IGSF11: variants seen among roughly 807,000 people sequenced by gnomAD.
IGSF11 encodes CXADR like 1.
A neutral mutation model predicts 41.0 loss-of-function variants in IGSF11; 22 were observed. That is an observed-to-expected ratio of 0.54 (90% CI 0.38 to 0.77). The LOEUF is 0.77. IGSF11 is among the 30% of genes least tolerant of loss of function. IGSF11 has a pLI of 0.00. For missense variants in IGSF11, 444 were observed against 530.8 expected (o/e 0.84, Z 1.61); for synonymous variants, 219 against 201.3 (o/e 1.09, Z -0.74).
At chr3:119,143,863 G>A (rs1375135143) in intron 1 of IGSF11, among the ~76,000 whole-genome samples, 4 of 152,038 alleles carry the variant, frequency 2.6e-5, no homozygotes, top group Admixed American at 2.6e-4. Context: ...TATGAGGGAC[G>A]AAGAAGTGCA....
At chr3:118,982,968 C>T (rs946360983) in intron 1 of IGSF11, among the ~76,000 whole-genome samples, 3 of 152,162 alleles carry the variant, frequency 2.0e-5, no homozygotes, top group Admixed American at 2.0e-4. Flanking sequence ...AACATGCAGC[C>T]TCCACAATCC....
intron 1 of IGSF11, among the ~76,000 whole-genome samples, chr3:118,937,448 T>G (rs1039432406): frequency 6.6e-6 from 1 of 152,214 alleles, no homozygotes; most frequent in Non-Finnish European, 1.5e-5. Context: ...AAATTTTAAT[T>G]AGATGAAATA....
At position 118,948,259 on chromosome 3, in the gene IGSF11, G is replaced by C. The variant is rs958473982; in HGVS notation, c.53-17984C>G. On this transcript the variant is annotated intron_variant, in intron 1 of 6. Transcript: ENST00000393775. ...GAAAATAAGATATTGCCACTGTTGC[G>C]CTCAGAAATTACTATAAGAATTCAA... The C allele has an allele frequency of 3.3e-5, 5 of 152,206 alleles. 1 individual carries two copies. The highest frequency in any genetic ancestry group is 1.9e-4 in the East Asian group (1 of 5,188). 9.4% of individuals were successfully genotyped at this position (152,206 alleles called of 1,614,324 possible). A position where few individuals can be genotyped will look rare whatever the true frequency, so the allele number is the denominator to read the frequency against.
intron 1 of IGSF11, among the ~76,000 whole-genome samples, chr3:119,074,528 G>A (rs1001274180): frequency 1.2e-4 from 18 of 151,458 alleles, no homozygotes; most frequent in African/African-American, 3.4e-4. Context: ...TAAGAGGAAC[G>A]TTTATAGTGT....
At chr3:118,973,770 T>G (rs1212705924) in intron 1 of IGSF11, among the ~76,000 whole-genome samples, 1 of 152,302 alleles carries the variant, frequency 6.6e-6, no homozygotes, top group South Asian at 2.1e-4. Flanking sequence ...AGCAATCATA[T>G]GTGCAAAGAA....
At chr3:119,109,317 G>A (rs1201723406), upstream of IGSF11, among the ~76,000 whole-genome samples, 7 of 151,440 alleles carry the variant, frequency 4.6e-5, no homozygotes, top group African/African-American at 1.2e-4. Flanking sequence ...TTTAGTCTTC[G>A]GAGAGTGTAT....
At chr3:119,085,710 C>G (rs781618467) in intron 1 of IGSF11, among the ~76,000 whole-genome samples, 79 of 152,160 alleles carry the variant, frequency 5.2e-4, no homozygotes, top group Non-Finnish European at 1.9e-4. Context: ...AACTGAACTT[C>G]TTGAGCTGAA....
intron 1 of IGSF11, among the ~76,000 whole-genome samples, chr3:119,033,894 G>A (rs1940654314): frequency 6.6e-6 from 1 of 152,152 alleles, no homozygotes. Flanking sequence ...TTTAAAAACC[G>A]TTAACAAGAA....
chr3:118,973,845 G>C (rs1431119951), intron 1 of IGSF11, among the ~76,000 whole-genome samples: 2 of 152,054 alleles, frequency 1.3e-5, no homozygotes, highest in Non-Finnish European at 2.9e-5. Context: ...TTGAAAATAG[G>C]GCTCATCAGA....
intron 1 of IGSF11, among the ~76,000 whole-genome samples, chr3:119,000,062 T>C (rs1216396019): frequency 1.4e-5 from 2 of 146,996 alleles, no homozygotes; most frequent in Non-Finnish European, 3.0e-5. Flanking sequence ...GATTCATTAT[T>C]CTTTTTTTTT....
At position 118,902,790 on chromosome 3, in the gene IGSF11, G is replaced by A. The variant is rs1271704585; in HGVS notation, c.1026C>T (p.Gly342=). The A allele has an allele frequency of 4.3e-6, 7 of 1,614,034 alleles. No individual in the cohort carries two copies. Among genetic ancestry groups the A allele is most frequent in the East Asian group, 2.2e-5 (1 of 44,900 alleles). The change falls in exon 7 of 7, where the codon GGC becomes GGT. Residue 342 remains glycine (G), a synonymous_variant. Transcript: ENST00000393775. ...TGCCTGAGTGGAAAGAGAAAGATTG[G>A]CCCAAGTCACTGAAGTGGCTGACTG... is the stretch of plus-strand genomic sequence containing the variant. ...TESVSHFSDL[G]QSFSFHSGNA... is the part of the protein sequence containing the mutation.
chr3:118,959,771 G>A (rs565471281), intron 1 of IGSF11, among the ~76,000 whole-genome samples: 15 of 152,252 alleles, frequency 9.9e-5, no homozygotes, highest in South Asian at 2.1e-4. Flanking sequence ...AATGTGGGCC[G>A]GGCGCAGTAG....
chr3:118,960,170 C>A (rs574295374), intron 1 of IGSF11, among the ~76,000 whole-genome samples: 5 of 152,006 alleles, frequency 3.3e-5, no homozygotes, highest in East Asian at 1.9e-4. Context: ...TGTTTAATAT[C>A]TAGAACTTTG....
chr3:118,902,562 A>G lies in IGSF11; in HGVS notation c.1254T>C (p.Pro418=). 6.2e-7 allele frequency: 1 copy of G among 1,613,370 alleles called. No homozygotes were observed. The highest frequency in any genetic ancestry group is 8.5e-7 in the Non-Finnish European group (1 of 1,179,856). ...HATLERIGAV[P]VMVPAQSRAG... ...CCCGACTCTGGGCTGGTACCATGAC[A>G]GGTACTGCACCAATTCGTTCCAGTG... is the stretch of plus-strand genomic sequence containing the variant. The change falls in exon 7 of 7, where the codon CCT becomes CCC. Residue 418 remains proline (P), a synonymous_variant. Transcript: ENST00000393775.
At chr3:118,950,072 A>G (rs562521647) in intron 1 of IGSF11, among the ~76,000 whole-genome samples, 244 of 152,356 alleles carry the variant, frequency 1.6e-3, no homozygotes, top group Non-Finnish European at 3.0e-3. Flanking sequence ...ATATTTATTG[A>G]GTCAGGAATG....
chr3:118,991,477 C>G (rs752384621), intron 1 of IGSF11, among the ~76,000 whole-genome samples: 2 of 152,208 alleles, frequency 1.3e-5, no homozygotes, highest in Non-Finnish European at 2.9e-5. Flanking sequence ...TACTCCACAG[C>G]TGCATCTATT....
intron 1 of IGSF11, among the ~76,000 whole-genome samples, chr3:119,047,645 A>C (rs1223013785): frequency 6.6e-6 from 1 of 152,196 alleles, no homozygotes; most frequent in Non-Finnish European, 1.5e-5. Context: ...CACCAAGAGG[A>C]CGTAATAGAC....
At chr3:118,944,236 C>A (rs978381476) in intron 1 of IGSF11, among the ~76,000 whole-genome samples, 3 of 152,112 alleles carry the variant, frequency 2.0e-5, no homozygotes, top group African/African-American at 7.2e-5. Flanking sequence ...CTCTTGAAGT[C>A]TAGGAATAGA....
intron 1 of IGSF11, among the ~76,000 whole-genome samples, chr3:118,996,663 G>T (rs1019575267): frequency 2.0e-5 from 3 of 151,512 alleles, no homozygotes; most frequent in African/African-American, 7.3e-5. Flanking sequence ...GCAGTGGTGC[G>T]ATCTCGGCTC....
Sources: gnomAD v4.1 joint callset for allele counts (sites outside exome capture counted in the v4.1 genomes callset) on GRCh38, gnomAD v4.1.1 for gene constraint, MANE v1.5 for transcripts, NCBI Gene and HGNC (gene_info 2026-07-23, HGNC 2026-07-21) for gene names.